ESF1: variants seen among roughly 807,000 people sequenced by gnomAD.
The protein encoded by ESF1 is ESF1 homolog.
In ESF1, 58 loss-of-function variants were observed where a neutral mutation model predicts 92.0. The ratio of observed to expected loss-of-function variants is 0.63; its 90% CI spans 0.51 to 0.78. The LOEUF is 0.78. Ranked by LOEUF, ESF1 falls within the 30% of genes least tolerant of loss-of-function variation. ESF1 has a pLI of 0.00. For synonymous variants in ESF1, 321 were observed against 313.7 expected, an observed-to-expected ratio of 1.02 and a Z score of -0.24; for missense variants, 922 against 989.1, an observed-to-expected ratio of 0.93 and a Z score of 0.91.
At chr20:13,742,566 G>A (rs975006191) in intron 9 of ESF1, among the ~76,000 whole-genome samples, 2 of 152,006 alleles carry the variant, frequency 1.3e-5, no homozygotes, top group Non-Finnish European at 2.9e-5. Context: ...CGTGTACTAG[G>A]GGACATGCAT....
chr20:13,774,051 C>T (rs1404337397), intron 4 of ESF1, among the ~76,000 whole-genome samples: 52 of 151,394 alleles, frequency 3.4e-4, no homozygotes, highest in Admixed American at 3.2e-3. Flanking sequence ...GCCGAGATTG[C>T]GCCACTGCAC....
chr20:13,747,694 G>A (rs1260228098), intron 9 of ESF1, among the ~76,000 whole-genome samples: 1 of 108,950 alleles, frequency 9.2e-6, no homozygotes, highest in African/African-American at 3.6e-5. Flanking sequence ...GCTAATGATG[G>A]AACACTTTCT....
chr20:13,739,721 CAA>C (rs112560154), intron 9 of ESF1, among the ~76,000 whole-genome samples: 14 of 77,848 alleles, frequency 1.8e-4, no homozygotes, highest in Non-Finnish European at 2.3e-4. Flanking sequence ...TAAGAAAGTT[CAA>C]AAAAAAAAAA....
intron 8 of ESF1, among the ~76,000 whole-genome samples, chr20:13,765,492 T>C (rs191886262): frequency 2.0e-5 from 3 of 152,310 alleles, no homozygotes; most frequent in African/African-American, 7.2e-5. Context: ...TCTGAGATCA[T>C]TTCCTGTTTC....
chr20:13,753,120 A>C (rs143447574), intron 9 of ESF1, among the ~76,000 whole-genome samples: 28 of 152,244 alleles, frequency 1.8e-4, no homozygotes, highest in African/African-American at 6.5e-4. Context: ...CTTTATTCAT[A>C]CTTAAATCTG....
intron 9 of ESF1, 76 bp downstream of exon 9, chr20:13,759,616 C>A (rs1010395324): frequency 2.0e-6 from 3 of 1,515,124 alleles, no homozygotes; most frequent in Non-Finnish European, 2.6e-6. Flanking sequence ...AAAACATTTC[C>A]GGCTCCTTCA....
intron 9 of ESF1, among the ~76,000 whole-genome samples, chr20:13,743,704 G>T (rs958100819): frequency 1.4e-4 from 21 of 152,080 alleles, no homozygotes; most frequent in Admixed American, 1.4e-3. Flanking sequence ...GTAAAACAAT[G>T]GTTGCCAAGG....
chr20:13,759,121 G>A (rs1033203310), intron 9 of ESF1, among the ~76,000 whole-genome samples: 9 of 152,146 alleles, frequency 5.9e-5, no homozygotes, highest in Non-Finnish European at 1.2e-4. Flanking sequence ...TGCAGAAAGT[G>A]AAACCATGAA....
chr20:13,757,086 A>G (rs1347501177), intron 9 of ESF1, among the ~76,000 whole-genome samples: 1 of 152,164 alleles, frequency 6.6e-6, no homozygotes, highest in Non-Finnish European at 1.5e-5. Flanking sequence ...CTTCTTAACC[A>G]GTGGTTGAAT....
intron 8 of ESF1, among the ~76,000 whole-genome samples, chr20:13,763,554 T>G (rs1979301220): frequency 6.6e-6 from 1 of 152,190 alleles, no homozygotes; most frequent in Non-Finnish European, 1.5e-5. Context: ...ATCCAGAATT[T>G]TCAGAAAAGT....
intron 10 of ESF1, among the ~76,000 whole-genome samples, chr20:13,730,595 A>G (rs1280802950): frequency 2.0e-5 from 3 of 151,452 alleles, no homozygotes; most frequent in Admixed American, 6.6e-5. Context: ...TGTGTTAGCC[A>G]GGATGGTCTT....
At chr20:13,774,792 T>A (rs1332302638) in intron 4 of ESF1, among the ~76,000 whole-genome samples, 2 of 152,226 alleles carry the variant, frequency 1.3e-5, no homozygotes, top group East Asian at 3.8e-4. Context: ...TTTATTAAGG[T>A]AATTTCCAAG....
At chr20:13,715,709 A>G (rs2049820025) in intron 13 of ESF1, among the ~76,000 whole-genome samples, 1 of 152,208 alleles carries the variant, frequency 6.6e-6, no homozygotes, top group African/African-American at 2.4e-5. Flanking sequence ...GTCAGACACA[A>G]GCCCCAGATT....
chr20:13,724,243 A>C (rs2049886415), intron 11 of ESF1, among the ~76,000 whole-genome samples: 1 of 152,184 alleles, frequency 6.6e-6, no homozygotes, highest in Non-Finnish European at 1.5e-5. Context: ...TGTGGTGAGC[A>C]GATACTACGC....
intron 2 of ESF1, among the ~76,000 whole-genome samples, chr20:13,776,990 T>C (rs1979971547): frequency 6.6e-6 from 1 of 152,166 alleles, no homozygotes; most frequent in African/African-American, 2.4e-5. Context: ...TTGGACTTTT[T>C]CATAAAAGCA....
chr20:13,747,876 T>G (rs912031556), intron 9 of ESF1, among the ~76,000 whole-genome samples: 1 of 152,186 alleles, frequency 6.6e-6, no homozygotes, highest in African/African-American at 2.4e-5. Context: ...TATAGCTTAT[T>G]ACACACCTAG....
chr20:13,749,190 C>G (rs1251114915), intron 9 of ESF1, among the ~76,000 whole-genome samples: 1 of 150,896 alleles, frequency 6.6e-6, no homozygotes, highest in East Asian at 2.0e-4. Flanking sequence ...CTCAGTCTCC[C>G]GAGTAGCTTG....
chr20:13,767,021 TAAGTTAA>T, intron 7 of ESF1, 97 bp from the exon 8 acceptor site: 1 of 1,198,648 alleles, frequency 8.3e-7, no homozygotes, highest in Non-Finnish European at 1.2e-6. Flanking sequence ...TGTTTAACAG[TAAGTTAA>T]AAGTTAAGAC....
chr20:13,779,911 T>A (rs1256683246), intron 2 of ESF1, among the ~76,000 whole-genome samples: 1 of 152,238 alleles, frequency 6.6e-6, no homozygotes, highest in Non-Finnish European at 1.5e-5. Flanking sequence ...TAAAATAGAT[T>A]CTGAGGAGTG....
Sources: allele counts gnomAD v4.1 joint callset (sites outside exome capture counted in the v4.1 genomes callset), GRCh38; gene constraint gnomAD v4.1.1; transcripts MANE v1.5; gene names NCBI Gene and HGNC (gene_info 2026-07-23, HGNC 2026-07-21).